The following GPRC5C variants were observed in gnomAD, a reference collection of about 807,000 sequenced individuals.
GPRC5C encodes G protein-coupled receptor class C group 5 member C, also known as G protein-coupled receptor family C group 5 member C.
In GPRC5C, 22 loss-of-function variants were observed where a neutral mutation model predicts 31.4. That is an observed-to-expected ratio of 0.70 (90% CI 0.50 to 1.00). The LOEUF (loss-of-function observed/expected upper bound fraction) is 1.00, where lower values mean the gene tolerates loss of function less well. Ranked by LOEUF, GPRC5C falls within the 50% of genes least tolerant of loss-of-function variation. The pLI is 0.00. For synonymous variants in GPRC5C, 249 were observed against 257.5 expected (o/e 0.97, Z 0.32); for missense variants, 557 against 597.2 (o/e 0.93, Z 0.70).
In GPRC5C at chr17:74,446,984, G is replaced by C. The variant is rs755144413; in HGVS notation, c.1282G>C (p.Gly428Arg). ...CCAGGCGGCCACACCGCCGAAAGAC[G>C]GCAAGAACTCTCAGGTCTTTAGAAA... is the stretch of plus-strand genomic sequence containing the variant. Reference protein sequence around the residue: ...SHQAATPPKDGKNSQVFRNPY... With the variant: ...SHQAATPPKDRKNSQVFRNPY... The change falls in exon 4 of 4, where the codon GGC becomes CGC. Residue 428 changes from glycine to arginine, a missense_variant. Coordinates refer to ENST00000392627, the MANE Select transcript of GPRC5C (RefSeq NM_022036.4). 6.2e-7 allele frequency: 1 copy of C among 1,614,180 alleles called. No homozygotes were observed. Among genetic ancestry groups the C allele is most frequent in the Non-Finnish European group, 8.5e-7 (1 of 1,179,986 alleles).
chr17:74,441,218 A>C (rs945834782), intron 2 of GPRC5C, among the ~76,000 whole-genome samples: 4 of 152,036 alleles, frequency 2.6e-5, no homozygotes, highest in Admixed American at 2.6e-4. Context: ...CGGAGGTTGC[A>C]GTGAGCCAAA....
At chr17:74,449,620 G>C (rs2706525), downstream of GPRC5C, 11 of 271,038 alleles carry the variant, frequency 4.1e-5, no homozygotes, top group Admixed American at 3.3e-4. Flanking sequence ...AGCTGTCCGC[G>C]GGCCCCCAGG....
chr17:74,443,463 G>C (rs769426890), intron 2 of GPRC5C: 55 of 399,494 alleles, frequency 1.4e-4, no homozygotes, highest in South Asian at 9.1e-4. Flanking sequence ...GGCGGCCGAA[G>C]GCCCATGTGT....
chr17:74,440,744 G>T lies in GPRC5C; in HGVS notation c.968G>T (p.Gly323Val), dbSNP rs1248780786. The change falls in exon 2 of 4, where the codon GGC (glycine) becomes GTC (valine). Residue 323 changes from glycine (G) to valine (V), a missense_variant. Transcript: ENST00000392627. The surrounding 1 kb of genome is among the most constrained non-coding windows in gnomAD (Gnocchi z 4.4). ...GACATGTACCCCACCCGGGGCGTGG[G>T]CTATGAGACCATCCTGAAAGAGCAG... Reference protein sequence around the residue: ...QGDMYPTRGVGYETILKEQKG... With the variant: ...QGDMYPTRGVVYETILKEQKG... The T allele has an allele frequency of 6.3e-7, 1 of 1,593,162 alleles. No individual in the cohort carries two copies. The highest frequency in any genetic ancestry group is 8.6e-7 in the Non-Finnish European group (1 of 1,165,316).
intron 2 of GPRC5C, among the ~76,000 whole-genome samples, chr17:74,442,837 G>C (rs1043698619): frequency 6.6e-5 from 10 of 152,184 alleles, no homozygotes; most frequent in African/African-American, 2.2e-4. Context: ...GCATGGCGGG[G>C]GTGGAATTGG....
chr17:74,434,019 C>A (rs1173476373), intron 1 of GPRC5C, among the ~76,000 whole-genome samples: 2 of 152,164 alleles, frequency 1.3e-5, no homozygotes, highest in Non-Finnish European at 2.9e-5. Flanking sequence ...GCCTCTGCGC[C>A]CCCTGGAGAG....
In GPRC5C at chr17:74,443,822, G is replaced by C. The variant is rs1451533782; in HGVS notation, c.1056G>C (p.Lys352Asn). 1 of 1,610,032 alleles carries C rather than the reference G, an allele frequency of 6.2e-7. No individual in the cohort carries two copies. The highest frequency in any genetic ancestry group is 8.5e-7 in the Non-Finnish European group (1 of 1,176,414). The change falls in exon 3 of 4, where the codon AAG (lysine) becomes AAC (asparagine). Residue 352 changes from lysine to asparagine, a missense_variant. Coordinates refer to ENST00000392627, the MANE Select transcript of GPRC5C (RefSeq NM_022036.4). ...AFSMDEPVAA[K>N]RPVSPYSGYN... ...TGTTCCTGCTTTTCCTTGTAGCTAA[G>C]AGGCCGGTGTCACCATACAGCGGGT...
Position 74,439,674 on chromosome 17 carries a change from G to A in GPRC5C, c.-32-71G>A, listed in dbSNP as rs1598429143. ...ACTATCTGCCTGGGTTTAGGTTGGGGGAAGCAGCACCATGTATATTGGAGT... is the reference window on the plus strand; with the variant it reads ...ACTATCTGCCTGGGTTTAGGTTGGGAGAAGCAGCACCATGTATATTGGAGT... On this transcript the variant is annotated intron_variant, in intron 1 of 3. Coordinates refer to ENST00000392627, the MANE Select transcript of GPRC5C (RefSeq NM_022036.4). 4 of 1,425,226 alleles carry A rather than the reference G, an allele frequency of 2.8e-6. No homozygotes were observed. The Admixed American group carries it at 6.4e-5, about 23-fold the overall frequency. 88.3% of individuals were successfully genotyped at this position (1,425,226 alleles called of 1,614,324 possible).
intron 3 of GPRC5C, chr17:74,446,245 G>A (rs1473169405): frequency 6.6e-6 from 1 of 152,058 alleles, no homozygotes; most frequent in Non-Finnish European, 1.5e-5. Flanking sequence ...GAGGTCAGGA[G>A]ATTGAGACCA....
At chr17:74,442,693 CTG>C (rs2055559612) in intron 2 of GPRC5C, among the ~76,000 whole-genome samples, 2 of 152,258 alleles carry the variant, frequency 1.3e-5, no homozygotes, top group Admixed American at 6.5e-5. Flanking sequence ...CTTCTACACA[CTG>C]TGAAATCCTC....
chr17:74,449,304 C>T (rs1204822673), downstream of GPRC5C: 1 of 1,264,474 alleles, frequency 7.9e-7, no homozygotes, highest in East Asian at 5.6e-5. Context: ...GTAGAGTCCC[C>T]TTTGACTCTT....
In GPRC5C at chr17:74,440,600, G is replaced by A; in HGVS notation, c.824G>A (p.Trp275Ter). 6.2e-7 allele frequency: 1 copy of A among 1,613,010 alleles called. No individual in the cohort carries two copies. Among genetic ancestry groups the A allele is most frequent in the Non-Finnish European group, 8.5e-7 (1 of 1,179,026 alleles). Residue 275 changes from tryptophan to a stop codon, truncating the protein, a stop_gained, in exon 2 of 4, where the codon TGG (tryptophan) becomes TAG (stop). Coordinates refer to ENST00000392627, the MANE Select transcript of GPRC5C (RefSeq NM_022036.4). LOFTEE classifies it high-confidence loss of function. The surrounding 1 kb of genome is among the most constrained non-coding windows in gnomAD (Gnocchi z 4.4). Reference protein sequence around the residue: ...YGNKQHNSPTWDDPTLAIALA... With the variant: ...YGNKQHNSPT The stretch of plus-strand genomic sequence containing the variant: ...AACAAGCAGCACAACAGTCCCACCT[G>A]GGATGACCCCACGCTGGCCATCGCC...
At chr17:74,433,753 C>T in intron 1 of GPRC5C, 1 of 1,612,114 alleles carries the variant, frequency 6.2e-7, no homozygotes, top group Non-Finnish European at 8.5e-7. Flanking sequence ...AGCCATTGGC[C>T]ATGGGTCAGT....
chr17:74,435,079 C>T (rs1199400058), intron 1 of GPRC5C, among the ~76,000 whole-genome samples: 11 of 151,750 alleles, frequency 7.2e-5, no homozygotes, highest in Middle Eastern at 3.4e-3. Context: ...ATTAGCCGGG[C>T]GTGGTGGCGG....
At chr17:74,449,375 C>G, downstream of GPRC5C, 1 of 1,293,372 alleles carries the variant, frequency 7.7e-7, no homozygotes, top group Non-Finnish European at 1.0e-6. Flanking sequence ...TAGAAGCCCT[C>G]TTCCCGGGAC....
At position 74,439,748 on chromosome 17, in the gene GPRC5C, C is replaced by T. The variant is rs758301558; in HGVS notation, c.-29C>T. 1.2e-6 allele frequency: 2 copies of T among 1,603,394 alleles called. No homozygotes were observed. The highest frequency in any genetic ancestry group is 2.2e-5 in the East Asian group (1 of 44,686). ...TCCCTTTTCCTTCTGTCTCTAGGGA[C>T]CCAACCAGAGCCTGGCCTGGGAGCC... On this transcript the variant is annotated 5_prime_UTR_variant, in exon 2 of 4. Coordinates refer to ENST00000392627, the MANE Select transcript of GPRC5C (RefSeq NM_022036.4).
At chr17:74,441,277 AAAAT>A (rs1358571630) in intron 2 of GPRC5C, among the ~76,000 whole-genome samples, 1 of 152,086 alleles carries the variant, frequency 6.6e-6, no homozygotes, top group Non-Finnish European at 1.5e-5. Flanking sequence ...ACTCCATCTC[AAAAT>A]AAATAAATAA....
intron 1 of GPRC5C, chr17:74,432,514 C>T: frequency 9.9e-7 from 1 of 1,010,808 alleles, no homozygotes; most frequent in South Asian, 4.6e-5. Flanking sequence ...GGGCCGGCGG[C>T]GAGTCCCAGG....
In GPRC5C at chr17:74,444,511, C is replaced by T. The variant is rs984557174; in HGVS notation, c.1146+599C>T. Among the ~76,000 whole-genome samples, 3 of 152,276 alleles carry T rather than the reference C, an allele frequency of 2.0e-5. No individual in the cohort carries two copies. The South Asian group carries it at 6.2e-4, about 32-fold the overall frequency. ...TCACTCCTATATGTGTTCCTCCTCCCGGCTGGCAGAGGCTGTGGGGAGAGG... is the reference window on the plus strand; with the variant it reads ...TCACTCCTATATGTGTTCCTCCTCCTGGCTGGCAGAGGCTGTGGGGAGAGG... On this transcript the variant is annotated intron_variant, in intron 3 of 3. Coordinates refer to ENST00000392627, the MANE Select transcript of GPRC5C (RefSeq NM_022036.4).
Sources: allele counts gnomAD v4.1 joint callset (sites outside exome capture counted in the v4.1 genomes callset), GRCh38; gene constraint gnomAD v4.1.1; non-coding constraint Gnocchi (gnomAD v3.1); transcripts MANE v1.5; gene names NCBI Gene and HGNC (gene_info 2026-07-23, HGNC 2026-07-21).